ARSL: variants seen among roughly 807,000 people sequenced by gnomAD.
The protein encoded by ARSL is arylsulfatase E (chondrodysplasia punctata 1).
A neutral mutation model predicts 31.1 loss-of-function variants in ARSL; 4 were observed. That is an observed-to-expected ratio of 0.13 (90% CI 0.06 to 0.29). The LOEUF (loss-of-function observed/expected upper bound fraction) is 0.29. Ranked by LOEUF, ARSL falls within the 10% of genes least tolerant of loss-of-function variation. ARSL has a pLI of 1.00. For synonymous variants in ARSL, 198 were observed against 209.9 expected, an observed-to-expected ratio of 0.94 and a Z score of 0.49; for missense variants, 312 against 497.8, an observed-to-expected ratio of 0.63 and a Z score of 3.55.
At position 2,934,875 on chromosome X, in the gene ARSL, G is replaced by A. The variant is rs746132186; in HGVS notation, c.1727C>T (p.Pro576Leu). Residue 576 changes from proline to leucine, a missense_variant, in exon 11 of 11, where the codon CCG (proline) becomes CTG (leucine). Pro to Leu is a moderately conservative substitution (Grantham distance 98). Transcript: ENST00000381134. The stretch of plus-strand genomic sequence containing the variant: ...CCTAAGGCACCAGCAGAGGGGGAAC[G>A]GGCCACAGCAGGGCTGCAGCCACGG... ...WRPWLQPCCG[P>L]FPLCWCLRED... 13 of 1,196,620 alleles carry A rather than the reference G, an allele frequency of 1.1e-5. No homozygotes were observed. Among genetic ancestry groups the A allele is most frequent in the Admixed American group, 4.4e-5 (2 of 45,107 alleles).
intron 5 of ARSL, among the ~76,000 whole-genome samples, chrX:2,952,592 T>C (rs1296711691): frequency 3.6e-5 from 4 of 111,733 alleles, no homozygotes; most frequent in Non-Finnish European, 7.5e-5. Context: ...ATAGGAATTT[T>C]AGGGGGACAC....
upstream of ARSL, among the ~76,000 whole-genome samples, chrX:2,966,203 C>G (rs1292733643): frequency 1.8e-5 from 2 of 111,495 alleles, no homozygotes; most frequent in African/African-American, 6.5e-5. Context: ...CTGGCACACT[C>G]CAGCCTGACT....
At position 2,934,786 on chromosome X, in the gene ARSL, G is replaced by A; in HGVS notation, c.*46C>T. The A allele has an allele frequency of 8.8e-7, 1 of 1,140,634 alleles. No individual in the cohort carries two copies. Among genetic ancestry groups the A allele is most frequent in the Non-Finnish European group, 1.2e-6 (1 of 840,651 alleles). The allele number at this position is 1,140,634 out of a possible 1,213,427, so 94.0% of individuals were successfully genotyped here. ...GGCCAGCTGGTTTGTTTCAATTTGAGTGACAAAATTTAGGAATCGGGGCTC... is the reference window on the plus strand; with the variant it reads ...GGCCAGCTGGTTTGTTTCAATTTGAATGACAAAATTTAGGAATCGGGGCTC... On this transcript the variant is annotated 3_prime_UTR_variant, in exon 11 of 11. Transcript: ENST00000381134.
Position 2,964,300 on chromosome X carries a change from C to A in ARSL, c.-97G>T. 1.3e-6 allele frequency: 1 copy of A among 754,003 alleles called. No homozygotes were observed. Among genetic ancestry groups the A allele is most frequent in the Non-Finnish European group, 1.6e-6 (1 of 639,347 alleles). The allele number at this position is 754,003 out of a possible 1,213,427, so 62.1% of individuals were successfully genotyped here. A position where few individuals can be genotyped will look rare whatever the true frequency, so the allele number is the denominator to read the frequency against. ...CTCCCAAAGGAAGCAAGCGTGAAGG[C>A]AGAGAGCACTTGCACAAGGCTTTGA... is the stretch of plus-strand genomic sequence containing the variant. On this transcript the variant is annotated 5_prime_UTR_variant, in exon 1 of 11. Coordinates refer to ENST00000381134, the MANE Select transcript of ARSL (RefSeq NM_000047.3).
intron 3 of ARSL, among the ~76,000 whole-genome samples, chrX:2,957,220 C>CAAAAAA (rs746761169): frequency 0.016 from 1,437 of 90,874 alleles, 40 homozygotes; most frequent in African/African-American, 0.055. Context: ...GACTCCGTCT[C>CAAAAAA]AAAAAAAAAA....
At chrX:2,954,703 A>G (rs940845587) in intron 4 of ARSL, among the ~76,000 whole-genome samples, 2 of 111,568 alleles carry the variant, frequency 1.8e-5, no homozygotes, top group African/African-American at 6.5e-5. Flanking sequence ...CATTGGAGAG[A>G]TAGTTTATTA....
At chrX:2,966,845 T>C (rs991760115), upstream of ARSL, among the ~76,000 whole-genome samples, 3 of 109,990 alleles carry the variant, frequency 2.7e-5, no homozygotes, top group Admixed American at 2.0e-4. Flanking sequence ...CATATAAACA[T>C]GTACCTATAG....
In ARSL at chrX:2,949,489, C is replaced by G. The variant is rs1196763532; in HGVS notation, c.669G>C (p.Ser223=). ...GGGCTGACCAGATGACCGGCATCCA[C>G]GAGACGGGTATCAGGTGTGTGAGCT... is the stretch of plus-strand genomic sequence containing the variant. ...AGKLTHLIPV[S]WMPVIWSALS... The change falls in exon 6 of 11, where the codon TCG becomes TCC. Residue 223 remains serine, a synonymous_variant. Coordinates refer to ENST00000381134, the MANE Select transcript of ARSL (RefSeq NM_000047.3). The G allele has an allele frequency of 8.3e-7, 1 of 1,209,037 alleles. No individual in the cohort carries two copies. Among genetic ancestry groups the G allele is most frequent in the African/African-American group, 1.8e-5 (1 of 56,898 alleles).
At chrX:2,959,657 A>G (rs2089576227) in intron 2 of ARSL, 1 of 1,154,141 alleles carries the variant, frequency 8.7e-7, no homozygotes, top group Non-Finnish European at 1.1e-6. Flanking sequence ...GGGCAACATC[A>G]AATCAAGGGA....
chrX:2,949,742 G>A lies in ARSL; in HGVS notation c.431-15C>T, dbSNP rs753997377. ...ATGCCATTTTCCTGAGAGGCAAAAAGGATGTTGATGTGACAAGCATCTGAG... is the reference window on the plus strand; with the variant it reads ...ATGCCATTTTCCTGAGAGGCAAAAAAGATGTTGATGTGACAAGCATCTGAG... On this transcript the variant is annotated splice_polypyrimidine_tract_variant and intron_variant, in intron 5 of 10. Coordinates refer to ENST00000381134, the MANE Select transcript of ARSL (RefSeq NM_000047.3). 1.5e-4 allele frequency: 179 copies of A among 1,203,468 alleles called. No homozygotes were observed. Among genetic ancestry groups the A allele is most frequent in the Non-Finnish European group, 1.9e-4 (168 of 890,755 alleles).
chrX:2,946,266 G>T (rs2089378013), intron 6 of ARSL, 132 bp from the exon 7 acceptor site: 2 of 458,418 alleles, frequency 4.4e-6, no homozygotes, highest in Non-Finnish European at 3.3e-6. Flanking sequence ...TCACCAAAAA[G>T]AAACACTCAA....
chrX:2,943,351 A>C, intron 7 of ARSL, 152 bp from the exon 8 acceptor site: 1 of 743,501 alleles, frequency 1.3e-6, no homozygotes, highest in Non-Finnish European at 2.0e-6. Flanking sequence ...TAATTTTGAT[A>C]TCCTTTGTTG....
intron 5 of ARSL, among the ~76,000 whole-genome samples, chrX:2,951,132 G>A (rs1168296855): frequency 1.8e-5 from 2 of 111,786 alleles, no homozygotes; most frequent in Non-Finnish European, 3.8e-5. Context: ...AGAGGTTAGG[G>A]CCTGACATCT....
rs770965558 is a variant in ARSL, at chrX:2,936,383, C to T, written c.1411+359G>A. On this transcript the variant is annotated intron_variant, in intron 10 of 10. Transcript: ENST00000381134. ...ACACATGTGTGTGCAAGCATGTGTG[C>T]GTGCGTGTGTGTATGCATGCACATA... is the stretch of plus-strand genomic sequence containing the variant. 2.7e-5 allele frequency among the ~76,000 whole-genome samples: 3 copies of T among 111,057 alleles called. No homozygotes were observed. The South Asian group carries it at 1.1e-3, about 42-fold the overall frequency.
intron 2 of ARSL, 125 bp from the exon 3 acceptor site, chrX:2,958,560 T>A: frequency 2.5e-6 from 2 of 785,078 alleles, no homozygotes; most frequent in Non-Finnish European, 3.7e-6. Flanking sequence ...TTTGAGGACA[T>A]CTCTTAGGCA....
chrX:2,967,437 T>TAG (rs2089707662), upstream of ARSL, among the ~76,000 whole-genome samples: 3 of 111,263 alleles, frequency 2.7e-5, no homozygotes, highest in Admixed American at 2.9e-4. Context: ...AAGGTATCTT[T>TAG]AGAAAGAGAC....
intron 9 of ARSL, among the ~76,000 whole-genome samples, chrX:2,937,393 CAA>C (rs752865403): frequency 2.8e-5 from 2 of 70,919 alleles, no homozygotes; most frequent in Non-Finnish European, 5.5e-5. Context: ...GACTCAGTCT[CAA>C]AAAAAAAAAA....
chrX:2,952,847 G>T, intron 5 of ARSL: 2 of 177,604 alleles, frequency 1.1e-5, no homozygotes, highest in South Asian at 1.2e-4. Context: ...TGTAGACGTG[G>T]GGTCTTGCTA....
chrX:2,948,316 T>A (rs2089412939), intron 6 of ARSL, among the ~76,000 whole-genome samples: 2 of 111,619 alleles, frequency 1.8e-5, no homozygotes, highest in African/African-American at 6.5e-5. Context: ...TTCCTTGCCA[T>A]AAAATTGACC....
Sources: allele counts gnomAD v4.1 joint callset (sites outside exome capture counted in the v4.1 genomes callset), GRCh38; gene constraint gnomAD v4.1.1; transcripts MANE v1.5; gene names NCBI Gene and HGNC (gene_info 2026-07-23, HGNC 2026-07-21).